ZNF232: variants seen among roughly 807,000 people sequenced by gnomAD.
The protein encoded by ZNF232 is zinc finger and SCAN domain-containing protein 11.
In ZNF232, 25 loss-of-function variants were observed where a neutral mutation model predicts 25.2. That is an observed-to-expected ratio of 0.99 (90% CI 0.72 to 1.39). The LOEUF (loss-of-function observed/expected upper bound fraction) is 1.39. ZNF232 is among the 40% of genes most tolerant of loss of function. ZNF232 has a pLI of 0.00. For synonymous variants in ZNF232, 193 were observed against 182.9 expected, an observed-to-expected ratio of 1.06 and a Z score of -0.45; for missense variants, 519 against 520.9, an observed-to-expected ratio of 1.00 and a Z score of 0.04.
chr17:5,105,827 A>G (rs2072246151), exon 4 of ZNF232: 1 of 1,577,264 alleles, frequency 6.3e-7, no homozygotes, highest in Non-Finnish European at 8.6e-7. Flanking sequence ...CTTCAATTCA[A>G]TGGGAAGGCT....
At chr17:5,122,629 G>A (rs531496044) in intron 1 of ZNF232, among the ~76,000 whole-genome samples, 1 of 152,122 alleles carries the variant, frequency 6.6e-6, no homozygotes, top group African/African-American at 2.4e-5. Flanking sequence ...CTCCCGGAAC[G>A]GCCGGCTGCA....
exon 4 of ZNF232, chr17:5,105,984 C>T (rs755793405): frequency 6.2e-7 from 1 of 1,614,176 alleles, no homozygotes. Context: ...GGCCTTCCCA[C>T]ACTCATTACA....
chr17:5,118,139 C>A (rs572265231), intron 1 of ZNF232: 1 of 152,178 alleles, frequency 6.6e-6, no homozygotes, highest in Non-Finnish European at 1.5e-5. Flanking sequence ...CTTATTCTAC[C>A]ATAGTCATGT....
At chr17:5,119,444 C>T (rs1056417314) in intron 1 of ZNF232, among the ~76,000 whole-genome samples, 3 of 152,306 alleles carry the variant, frequency 2.0e-5, no homozygotes, top group South Asian at 2.1e-4. Flanking sequence ...CCTTCTTCAG[C>T]CCCCACTAAA....
intron 3 of ZNF232, among the ~76,000 whole-genome samples, chr17:5,107,815 G>A (rs573090247): frequency 3.3e-5 from 5 of 152,212 alleles, no homozygotes; most frequent in African/African-American, 1.2e-4. Context: ...GATTATAGGC[G>A]TGAGCCACCG....
upstream of ZNF232, among the ~76,000 whole-genome samples, chr17:5,115,577 A>ACACACACACACACACACAC (rs1567761979): frequency 5.2e-4 from 41 of 79,036 alleles, no homozygotes; most frequent in African/African-American, 1.8e-3. Context: ...CACACACACA[A>ACACACACACACACACACAC]AACCCAAAAC....
intron 2 of ZNF232, 85 bp downstream of exon 2, chr17:5,109,309 T>C (rs760592821): frequency 5.2e-6 from 8 of 1,530,678 alleles, no homozygotes; most frequent in Non-Finnish European, 6.3e-6. Context: ...GGTTTGAACT[T>C]GGCACCTCCC....
At chr17:5,109,095 T>C (rs749098369) in intron 2 of ZNF232, 43 bp from the exon 3 acceptor site, 2 of 1,612,914 alleles carry the variant, frequency 1.2e-6, no homozygotes, top group East Asian at 4.5e-5. Flanking sequence ...TTTCTTCAAA[T>C]TACTAGTGTG....
chr17:5,119,960 C>T (rs2072615408), intron 1 of ZNF232, among the ~76,000 whole-genome samples: 1 of 152,242 alleles, frequency 6.6e-6, no homozygotes, highest in South Asian at 2.1e-4. Flanking sequence ...CCTGCCTCTC[C>T]TTTCCAGAAG....
chr17:5,105,790 T>C (rs780694998), exon 4 of ZNF232: 7 of 1,521,612 alleles, frequency 4.6e-6, no homozygotes, highest in African/African-American at 4.2e-5. Context: ...TAGACCGATG[T>C]AGAATTCTGT....
At chr17:5,111,755 C>G in intron 1 of ZNF232, 45 bp downstream of exon 1, 1 of 1,613,274 alleles carries the variant, frequency 6.2e-7, no homozygotes, top group Non-Finnish European at 8.5e-7. Flanking sequence ...CGGGCAAAAG[C>G]CAAGCCGCCA....
chr17:5,106,760 A>G (rs1291717260), intron 3 of ZNF232, among the ~76,000 whole-genome samples: 3 of 152,208 alleles, frequency 2.0e-5, no homozygotes, highest in African/African-American at 2.4e-5. Context: ...GAAACACTAA[A>G]GAAGTTTTAT....
chr17:5,121,380 G>A, intron 1 of ZNF232: 1 of 338,616 alleles, frequency 3.0e-6, no homozygotes, highest in South Asian at 2.5e-5. Context: ...TCCAGAGAGA[G>A]GGGCTGAACT....
At chr17:5,111,362 G>A (rs1382927707) in intron 1 of ZNF232, 1 of 215,596 alleles carries the variant, frequency 4.6e-6, no homozygotes, top group African/African-American at 2.3e-5. Flanking sequence ...ACGCATCAGA[G>A]GCCACGAAAG....
In ZNF232 at chr17:5,109,060, T is replaced by G; in HGVS notation, c.499-8A>C. 1 of 1,613,896 alleles carries G rather than the reference T, an allele frequency of 6.2e-7. No individual in the cohort carries two copies. The highest frequency in any genetic ancestry group is 8.5e-7 in the Non-Finnish European group (1 of 1,179,922). On this transcript the variant is annotated splice_region_variant and splice_polypyrimidine_tract_variant and intron_variant, in intron 2 of 3. Coordinates refer to ENST00000575898, the Ensembl canonical transcript of ZNF232. ...ATGTGCAGGGCCTGGGACCTGGAGG[T>G]GATCAGGCACCACTCAGTTTAAATT...
intron 1 of ZNF232, chr17:5,111,361 AG>A (rs1425941041): frequency 9.4e-6 from 2 of 213,190 alleles, no homozygotes; most frequent in African/African-American, 4.6e-5. Flanking sequence ...AACGCATCAG[AG>A]GCCACGAAAG....
At chr17:5,106,518 T>C in intron 3 of ZNF232, 3 of 1,610,522 alleles carry the variant, frequency 1.9e-6, no homozygotes, top group Non-Finnish European at 2.5e-6. Context: ...TGACAGAAAA[T>C]GTAAATATAC....
chr17:5,112,795 T>C (rs2072449651), upstream of ZNF232, among the ~76,000 whole-genome samples: 1 of 151,712 alleles, frequency 6.6e-6, no homozygotes, highest in Non-Finnish European at 1.5e-5. Context: ...AAACCCTGTC[T>C]CTATTAAAAA....
upstream of ZNF232, chr17:5,114,537 G>A (rs1403545293): frequency 6.6e-6 from 1 of 152,342 alleles, no homozygotes; most frequent in East Asian, 1.9e-4. Flanking sequence ...GTTCTGTAAG[G>A]ACTGAGTTCT....
Sources: allele counts gnomAD v4.1 joint callset (sites outside exome capture counted in the v4.1 genomes callset), GRCh38; gene constraint gnomAD v4.1.1; transcripts MANE v1.5; gene names NCBI Gene and HGNC (gene_info 2026-07-23, HGNC 2026-07-21).